The following NCAPD3 variants were observed in gnomAD, a reference collection of about 807,000 sequenced individuals.
NCAPD3 encodes the protein condensin-2 complex subunit D3.
A neutral mutation model predicts 182.9 loss-of-function variants in NCAPD3; 105 were observed. That is an observed-to-expected ratio of 0.57 (90% CI 0.49 to 0.68). The LOEUF is 0.68. Ranked by LOEUF, NCAPD3 falls within the 30% of genes least tolerant of loss-of-function variation. The probability of loss-of-function intolerance (pLI) is 0.00; values close to 1 mark genes in which losing one functional copy is unlikely to be tolerated. For missense variants in NCAPD3, 1,944 were observed against 1,837.0 expected, an observed-to-expected ratio of 1.06 and a Z score of -1.07; for synonymous variants, 815 against 679.9, an observed-to-expected ratio of 1.20 and a Z score of -3.09.
chr11:134,163,487 C>T (rs1943652708), intron 27 of NCAPD3, among the ~76,000 whole-genome samples: 1 of 152,002 alleles, frequency 6.6e-6, no homozygotes, highest in African/African-American at 2.4e-5. Flanking sequence ...ATCACGAGAT[C>T]AGGAGATTGA....
At chr11:134,205,589 C>A (rs1417346689) in intron 8 of NCAPD3, among the ~76,000 whole-genome samples, 1 of 152,016 alleles carries the variant, frequency 6.6e-6, no homozygotes, top group African/African-American at 2.4e-5. Flanking sequence ...GTTGGCCAGG[C>A]TCGTCTTCAA....
rs1470340704 is a variant in NCAPD3 at position 134,152,325 on chromosome 11, T to TAATA, written c.*615_*618dup. ...CCCTTCAAGACAATCATCTTTTTTC[T>TAATA]AATAGGGAAGATTTGGTTTCATTCC... On this transcript the variant is annotated 3_prime_UTR_variant, in exon 35 of 35. Transcript: ENST00000534548. 6.6e-6 allele frequency: 1 copy of TAATA among 152,244 alleles called. No homozygotes were observed. Among genetic ancestry groups the TAATA allele is most frequent in the Non-Finnish European group, 1.5e-5 (1 of 68,048 alleles). 9.4% of individuals were successfully genotyped at this position (152,244 alleles called of 1,614,324 possible).
chr11:134,177,519 T>G, intron 22 of NCAPD3, 62 bp from the exon 23 acceptor site: 1 of 1,436,122 alleles, frequency 7.0e-7, no homozygotes, highest in South Asian at 1.2e-5. Context: ...ATTCCTAAAT[T>G]TTCTCCAGAT....
intron 28 of NCAPD3, among the ~76,000 whole-genome samples, chr11:134,161,431 C>T (rs1943577256): frequency 6.6e-6 from 1 of 152,148 alleles, no homozygotes; most frequent in African/African-American, 2.4e-5. Flanking sequence ...TGAAATCAAA[C>T]CCGAAGACTC....
At chr11:134,185,179 C>T (rs944625600) in intron 17 of NCAPD3, among the ~76,000 whole-genome samples, 156 bp downstream of exon 17, 4 of 152,114 alleles carry the variant, frequency 2.6e-5, no homozygotes, top group African/African-American at 9.7e-5. Context: ...ATGGGTGAAA[C>T]ATGATTCTTA....
chr11:134,193,956 T>C, intron 15 of NCAPD3, 60 bp downstream of exon 15: 1 of 1,518,738 alleles, frequency 6.6e-7, no homozygotes. Flanking sequence ...GTAATTATTG[T>C]GTGGAATTAC....
At chr11:134,172,654 CT>C (rs1944037604) in intron 24 of NCAPD3, among the ~76,000 whole-genome samples, 1 of 152,156 alleles carries the variant, frequency 6.6e-6, no homozygotes, top group Admixed American at 6.5e-5. Flanking sequence ...GGCTGTTGCC[CT>C]GTGATTACAA....
Position 134,194,745 on chromosome 11 carries a change from A to T in NCAPD3, c.1616-7T>A, listed in dbSNP as rs770619562. 1 of 1,592,048 alleles carries T rather than the reference A, an allele frequency of 6.3e-7. No individual in the cohort carries two copies. Among genetic ancestry groups the T allele is most frequent in the Non-Finnish European group, 8.6e-7 (1 of 1,167,640 alleles). On this transcript the variant is annotated splice_polypyrimidine_tract_variant and splice_region_variant and intron_variant, in intron 13 of 34. Transcript: ENST00000534548. The stretch of plus-strand genomic sequence containing the variant: ...ATTGCCATGACACATCTTTCTGTAG[A>T]GGGAATACCAAAGGGTCATCACAGC...
chr11:134,178,434 T>A (rs893382656), intron 22 of NCAPD3, 200 bp downstream of exon 22: 8 of 409,356 alleles, frequency 2.0e-5, no homozygotes, highest in African/African-American at 1.4e-4. Context: ...TGAGGACTTA[T>A]CAGCCTGAGG....
At chr11:134,188,428 C>T (rs1468775044) in intron 16 of NCAPD3, among the ~76,000 whole-genome samples, 3 of 152,220 alleles carry the variant, frequency 2.0e-5, no homozygotes, top group Admixed American at 1.3e-4. Flanking sequence ...GCAACCCGCT[C>T]GGGTCCCCTT....
At chr11:134,165,891 G>T (rs1353870217) in intron 27 of NCAPD3, among the ~76,000 whole-genome samples, 1 of 134,790 alleles carries the variant, frequency 7.4e-6, no homozygotes, top group Non-Finnish European at 1.6e-5. Context: ...GATGAGCTTG[G>T]GGGAGGGGCA....
In NCAPD3 at chr11:134,178,870, A is replaced by C. The variant is rs1468152184; in HGVS notation, c.2626T>G (p.Phe876Val). The change falls in exon 21 of 35, where the codon TTC becomes GTC. Residue 876 changes from phenylalanine to valine, a missense_variant. Transcript: ENST00000534548. The part of the protein sequence containing the change: ...LCPARVEKRI[F>V]LLIQSVLASS... ...GCCAGGACGGACTGAATCAGAAGGAAGATGCGCTTCTCCACCCTGGCTGGA... is the reference window on the plus strand; with the variant it reads ...GCCAGGACGGACTGAATCAGAAGGACGATGCGCTTCTCCACCCTGGCTGGA... 6.2e-7 allele frequency: 1 copy of C among 1,614,176 alleles called. No individual in the cohort carries two copies.
Position 134,154,243 on chromosome 11 carries a change from C to T in NCAPD3, c.4253-880G>A, listed in dbSNP as rs1337175370. 2.6e-5 allele frequency among the ~76,000 whole-genome samples: 4 copies of T among 152,224 alleles called. No homozygotes were observed. The South Asian group carries it at 6.2e-4, about 24-fold the overall frequency. On this transcript the variant is annotated intron_variant, in intron 32 of 34. Coordinates refer to ENST00000534548, the MANE Select transcript of NCAPD3 (RefSeq NM_015261.3). ...ACTGTCATTTATTAGCAGTATCATC[C>T]CTGCATCACTGGAGTTATGTTTCAT...
At chr11:134,196,758 G>A (rs145314794) in intron 13 of NCAPD3, among the ~76,000 whole-genome samples, 1 of 151,820 alleles carries the variant, frequency 6.6e-6, no homozygotes, top group East Asian at 1.9e-4. Flanking sequence ...CAGACACTTA[G>A]TGGAGAATTC....
At chr11:134,188,780 C>T (rs1248820917) in intron 16 of NCAPD3, among the ~76,000 whole-genome samples, 3 of 152,170 alleles carry the variant, frequency 2.0e-5, no homozygotes, top group Non-Finnish European at 2.9e-5. Flanking sequence ...CGAAGGTCTG[C>T]GGCTTTATTC....
At chr11:134,156,745 AACCT>A (rs1943429948) in intron 32 of NCAPD3, 1 of 298,754 alleles carries the variant, frequency 3.3e-6, no homozygotes, top group Non-Finnish European at 6.3e-6. Flanking sequence ...TCAGTCACCC[AACCT>A]ACCTGTGCCT....
rs369670444 is a variant in NCAPD3 at position 134,154,481 on chromosome 11, C to G, written c.4253-1118G>C. Reference sequence around the variant, plus strand: ...CTGCACATTATGCTTCTCTGCACCCCCCCCCCCACCGCCCCATCTGCCTAC... The same window carrying G: ...CTGCACATTATGCTTCTCTGCACCCGCCCCCCCACCGCCCCATCTGCCTAC... On this transcript the variant is annotated intron_variant, in intron 32 of 34. Transcript: ENST00000534548. 3.3e-5 allele frequency among the ~76,000 whole-genome samples: 5 copies of G among 150,120 alleles called. No individual in the cohort carries two copies. In the East Asian group the frequency reaches 9.9e-4, roughly 30 times the overall value.
chr11:134,163,804 G>T (rs1164147277), intron 27 of NCAPD3, among the ~76,000 whole-genome samples: 1 of 146,586 alleles, frequency 6.8e-6, no homozygotes, highest in African/African-American at 2.5e-5. Flanking sequence ...CCTGGGAGGC[G>T]GAGCTTGCAG....
At chr11:134,158,177 C>A in intron 30 of NCAPD3, 110 bp from the exon 31 acceptor site, 1 of 1,518,786 alleles carries the variant, frequency 6.6e-7, no homozygotes, top group Non-Finnish European at 8.9e-7. Context: ...CCTCACCACC[C>A]TCATTCAAAC....
Sources: gnomAD v4.1 joint callset for allele counts (sites outside exome capture counted in the v4.1 genomes callset) on GRCh38, gnomAD v4.1.1 for gene constraint, MANE v1.5 for transcripts, NCBI Gene and HGNC (gene_info 2026-07-23, HGNC 2026-07-21) for gene names.